Variants in MBNL1 observed in about 807,000 individuals in gnomAD.
The protein encoded by MBNL1 is muscleblind like splicing regulator 1.
In MBNL1, 8 loss-of-function variants were observed where a neutral mutation model predicts 42.2. The observed-to-expected ratio is 0.19, with a 90% CI of 0.11 to 0.34. The LOEUF is 0.34. MBNL1 is among the 10% of genes least tolerant of loss of function. The pLI, the probability that MBNL1 is intolerant of heterozygous loss-of-function variation, is 1.00. For synonymous variants in MBNL1, 169 were observed against 173.9 expected (o/e 0.97, Z 0.22); for missense variants, 309 against 495.3 (o/e 0.62, Z 3.57).
chr3:152,334,991 C>A, intron 2 of MBNL1: 2 of 855,396 alleles, frequency 2.3e-6, no homozygotes, highest in African/African-American at 1.8e-5. Flanking sequence ...CTTTGGCTAG[C>A]ATCCTGCAAG....
At chr3:152,313,065 C>G (rs956548040) in intron 2 of MBNL1, among the ~76,000 whole-genome samples, 1 of 152,074 alleles carries the variant, frequency 6.6e-6, no homozygotes, top group African/African-American at 2.4e-5. Context: ...CCCTTTCACC[C>G]AGGCTGGAGT....
intron 2 of MBNL1, among the ~76,000 whole-genome samples, chr3:152,303,713 A>G (rs2061677982): frequency 6.6e-6 from 1 of 152,096 alleles, no homozygotes; most frequent in African/African-American, 2.4e-5. Flanking sequence ...AATATTTGCC[A>G]AGTTATTTAT....
At chr3:152,433,682 A>AGAGCTTGCAGTGAGCC (rs1156701915) in intron 4 of MBNL1, among the ~76,000 whole-genome samples, 2 of 149,730 alleles carry the variant, frequency 1.3e-5, no homozygotes, top group African/African-American at 5.0e-5. Flanking sequence ...CCCGGGAGGC[A>AGAGCTTGCAGTGAGCC]GAGCTTGCAG....
At chr3:152,460,546 A>G (rs922535734) in intron 9 of MBNL1, among the ~76,000 whole-genome samples, 10 of 150,742 alleles carry the variant, frequency 6.6e-5, no homozygotes, top group African/African-American at 1.9e-4. Context: ...GCGCACCAGC[A>G]TGGCACATGT....
chr3:152,302,323 T>G (rs1384232592), intron 2 of MBNL1: 6 of 152,042 alleles, frequency 3.9e-5, no homozygotes, highest in Non-Finnish European at 8.8e-5. Context: ...GTCTAAAACT[T>G]GGTAAAATAT....
intron 1 of MBNL1, among the ~76,000 whole-genome samples, chr3:152,290,509 G>A (rs1401605625): frequency 6.6e-6 from 1 of 151,950 alleles, no homozygotes; most frequent in Non-Finnish European, 1.5e-5. Context: ...AATGTATGAG[G>A]TGCTGTGGAA....
intron 3 of MBNL1, 67 bp from the exon 4 acceptor site, chr3:152,432,650 A>G: frequency 7.4e-7 from 1 of 1,360,224 alleles, no homozygotes; most frequent in Non-Finnish European, 1.1e-6. Flanking sequence ...GGACAAATGT[A>G]TAATTAAGAA....
intron 1 of MBNL1, among the ~76,000 whole-genome samples, chr3:152,277,394 A>G (rs1188596811): frequency 6.6e-6 from 1 of 152,168 alleles, no homozygotes; most frequent in Admixed American, 6.5e-5. Flanking sequence ...AGTGATAAAC[A>G]AGGTGGCAGA....
At chr3:152,398,623 A>G (rs941077648) in intron 2 of MBNL1, among the ~76,000 whole-genome samples, 1 of 152,188 alleles carries the variant, frequency 6.6e-6, no homozygotes, top group African/African-American at 2.4e-5. Context: ...TGGACTGTTA[A>G]CATAATTACT....
intron 3 of MBNL1, among the ~76,000 whole-genome samples, chr3:152,430,118 A>T (rs1328077277): frequency 6.6e-6 from 1 of 152,366 alleles, no homozygotes; most frequent in Admixed American, 6.5e-5. Context: ...GTATTTTTAC[A>T]TAATAAAAGT....
chr3:152,406,650 GA>G (rs34227599), intron 2 of MBNL1, among the ~76,000 whole-genome samples: 4 of 151,932 alleles, frequency 2.6e-5, no homozygotes, highest in Admixed American at 6.6e-5. Context: ...GTTCTCTGGG[GA>G]AAAAAAAGTC....
intron 1 of MBNL1, among the ~76,000 whole-genome samples, chr3:152,284,234 C>T: frequency 6.6e-6 from 1 of 151,816 alleles, no homozygotes; most frequent in East Asian, 1.9e-4. Context: ...TAGTAGGGAA[C>T]AAAGAAAGAA....
chr3:152,272,405 G>A (rs141896299), intron 1 of MBNL1, among the ~76,000 whole-genome samples: 2 of 152,140 alleles, frequency 1.3e-5, no homozygotes, highest in African/African-American at 2.4e-5. Flanking sequence ...CCAAAATAGA[G>A]TATGATTGTT....
At chr3:152,350,700 A>G (rs1482331420) in intron 2 of MBNL1, among the ~76,000 whole-genome samples, 2 of 152,148 alleles carry the variant, frequency 1.3e-5, no homozygotes. Context: ...CCTGAGAGAC[A>G]GAAATGAAGG....
chr3:152,413,888 A>G (rs184968624), intron 2 of MBNL1, among the ~76,000 whole-genome samples: 22 of 152,358 alleles, frequency 1.4e-4, no homozygotes, highest in Admixed American at 1.3e-3. Context: ...ATAGGCTTTA[A>G]TGAATATTTT....
chr3:152,275,688 C>T (rs951701208), intron 1 of MBNL1, among the ~76,000 whole-genome samples: 1 of 104,592 alleles, frequency 9.6e-6, no homozygotes, highest in Non-Finnish European at 1.7e-5. Context: ...AGTCTGGCAA[C>T]AGAGCAAGAC....
intron 2 of MBNL1, among the ~76,000 whole-genome samples, chr3:152,389,106 G>C (rs952010431): frequency 3.4e-5 from 5 of 148,668 alleles, no homozygotes; most frequent in African/African-American, 1.2e-4. Context: ...TTTTTTTTTT[G>C]AGATGGAGTT....
intron 1 of MBNL1, among the ~76,000 whole-genome samples, chr3:152,283,191 T>C (rs2049513779): frequency 6.6e-6 from 1 of 152,234 alleles, no homozygotes; most frequent in South Asian, 2.1e-4. Context: ...CCATCTTTCA[T>C]TGTAATGTTT....
intron 2 of MBNL1, chr3:152,300,858 T>C: frequency 2.8e-6 from 2 of 716,944 alleles, no homozygotes; most frequent in Non-Finnish European, 3.4e-6. Context: ...TTTCTTTTTA[T>C]TTTGTGGGCA....
Sources: gnomAD v4.1 joint callset for allele counts (sites outside exome capture counted in the v4.1 genomes callset) on GRCh38, gnomAD v4.1.1 for gene constraint, MANE v1.5 for transcripts, NCBI Gene and HGNC (gene_info 2026-07-23, HGNC 2026-07-21) for gene names.